Variants in KCNG2 observed in about 807,000 individuals in gnomAD.
KCNG2 encodes potassium voltage-gated channel modifier subfamily G member 2.
In KCNG2, 7 loss-of-function variants were observed where a neutral mutation model predicts 12.3. That is an observed-to-expected ratio of 0.57 (90% CI 0.32 to 1.07). KCNG2 has a LOEUF of 1.07. KCNG2 is among the 50% of genes least tolerant of loss of function. The pLI is 0.04. For missense variants in KCNG2, 703 were observed against 726.0 expected, an observed-to-expected ratio of 0.97 and a Z score of 0.36; for synonymous variants, 414 against 351.4, an observed-to-expected ratio of 1.18 and a Z score of -1.99.
rs1030185558 is a variant in KCNG2 at position 79,856,436 on chromosome 18, T to TA, written c.-56dup. ...CGGTTCCCTGAAAGAGAATACCCTG[T>TA]ACCTTCACAGAGCCAGGTAAACCCA... On this transcript the variant is annotated 5_prime_UTR_variant, in exon 2 of 4. Transcript: ENST00000316249. 6.6e-6 allele frequency among the ~76,000 whole-genome samples: 1 copy of TA among 152,228 alleles called. No individual in the cohort carries two copies. The highest frequency in any genetic ancestry group is 2.4e-5 in the African/African-American group (1 of 41,456).
chr18:79,838,844 C>G lies in KCNG2; in HGVS notation c.-114-17535C>G, dbSNP rs561136756. ...TTACATTAGAAAAAAGGAAAAACCTCAATGTACAATCTCAGGTCCCACCTG... is the reference window on the plus strand; with the variant it reads ...TTACATTAGAAAAAAGGAAAAACCTGAATGTACAATCTCAGGTCCCACCTG... On this transcript the variant is annotated intron_variant, in intron 1 of 3. Transcript: ENST00000316249. 2.6e-4 allele frequency among the ~76,000 whole-genome samples: 40 copies of G among 152,292 alleles called. No individual in the cohort carries two copies. In the South Asian group the frequency reaches 7.9e-3, roughly 30 times the overall value.
In KCNG2 at chr18:79,887,596, C is replaced by T. The variant is rs752856397; in HGVS notation, c.625-11444C>T. 8.5e-5 allele frequency among the ~76,000 whole-genome samples: 13 copies of T among 152,338 alleles called. 1 individual carries two copies. In the South Asian group the frequency reaches 1.0e-3, roughly 12 times the overall value. ...GCTGGGCGCATCAGGGTTTCAAACCCGCATCCAGCTTCCCAGGGGCTCACA... is the reference window on the plus strand; with the variant it reads ...GCTGGGCGCATCAGGGTTTCAAACCTGCATCCAGCTTCCCAGGGGCTCACA... On this transcript the variant is annotated intron_variant, in intron 3 of 3. Coordinates refer to ENST00000316249, the MANE Select transcript of KCNG2 (RefSeq NM_012283.2).
intron 1 of KCNG2, among the ~76,000 whole-genome samples, chr18:79,835,561 G>A (rs1039083964): frequency 5.3e-5 from 8 of 152,212 alleles, no homozygotes; most frequent in African/African-American, 1.9e-4. Context: ...AGGTTCAGTG[G>A]TAGACGGAGT....
Position 79,850,854 on chromosome 18 carries a change from T to C in KCNG2, c.-114-5525T>C, listed in dbSNP as rs541547835. On this transcript the variant is annotated intron_variant, in intron 1 of 3. Transcript: ENST00000316249. ...CAGTAAGAACTCAAACGCACGTTGC[T>C]TTTGTACCCACGAGGGCAGGCGCCG... is the stretch of plus-strand genomic sequence containing the variant. Among the ~76,000 whole-genome samples, 10 of 152,326 alleles carry C rather than the reference T, an allele frequency of 6.6e-5. No individual in the cohort carries two copies. In the South Asian group the frequency reaches 1.7e-3, roughly 25 times the overall value.
intron 3 of KCNG2, among the ~76,000 whole-genome samples, chr18:79,872,293 T>TGTTTTTG (rs1392878896): frequency 7.5e-6 from 1 of 134,106 alleles, no homozygotes; most frequent in Non-Finnish European, 1.6e-5. Flanking sequence ...TTTTTTTTTT[T>TGTTTTTG]TTTTTTTTTT....
chr18:79,857,333 C>T (rs918965179), intron 2 of KCNG2, among the ~76,000 whole-genome samples: 1 of 151,124 alleles, frequency 6.6e-6, no homozygotes, highest in African/African-American at 2.4e-5. Flanking sequence ...TCTCTCCTGG[C>T]CTCCATTGCA....
chr18:79,847,567 G>A (rs376768345), intron 1 of KCNG2, among the ~76,000 whole-genome samples: 8 of 152,172 alleles, frequency 5.3e-5, no homozygotes, highest in African/African-American at 9.7e-5. Context: ...CAAAGCACCC[G>A]CCCCATGAGC....
At chr18:79,879,173 A>T (rs1980196775) in intron 3 of KCNG2, among the ~76,000 whole-genome samples, 1 of 152,172 alleles carries the variant, frequency 6.6e-6, no homozygotes, top group Admixed American at 6.5e-5. Context: ...CCCCCACAGG[A>T]GCCAAAGGAC....
At chr18:79,819,071 A>C (rs1475876067) in intron 1 of KCNG2, among the ~76,000 whole-genome samples, 1 of 152,210 alleles carries the variant, frequency 6.6e-6, no homozygotes, top group East Asian at 1.9e-4. Context: ...AAAAAACAAA[A>C]ATAAGGGAAG....
rs764009330 is a variant in KCNG2, at chr18:79,899,261, C to G, written c.846C>G (p.Arg282=). The change falls in exon 4 of 4, where the codon CGC becomes CGG. Residue 282 remains arginine, a synonymous_variant. Coordinates refer to ENST00000316249, the MANE Select transcript of KCNG2 (RefSeq NM_012283.2). ...AGPGGTKLLE[R]AGLVLRLLRA... Reference sequence around the variant, plus strand: ...CGGGCGGGACCAAGCTCCTGGAGCGCGCGGGGCTGGTGCTGCGGCTGCTGC... The same window carrying G: ...CGGGCGGGACCAAGCTCCTGGAGCGGGCGGGGCTGGTGCTGCGGCTGCTGC... The G allele has an allele frequency of 1.3e-6, 2 of 1,587,878 alleles. No individual in the cohort carries two copies.
chr18:79,818,536 T>C (rs2087547106), intron 1 of KCNG2, among the ~76,000 whole-genome samples: 1 of 152,158 alleles, frequency 6.6e-6, no homozygotes, highest in Non-Finnish European at 1.5e-5. Context: ...GATGAAGCTA[T>C]TTTTAGAAGT....
chr18:79,899,847 C>G lies in KCNG2; in HGVS notation c.*31C>G, dbSNP rs1352041391. On this transcript the variant is annotated 3_prime_UTR_variant, in exon 4 of 4. Transcript: ENST00000316249. ...GCGCCGCCCACACGGAGACCCCCTG[C>G]CCCCTCCAGCTGCAGCGTCGGGACC... 3.0e-6 allele frequency: 4 copies of G among 1,313,676 alleles called. No homozygotes were observed. The highest frequency in any genetic ancestry group is 3.9e-6 in the Non-Finnish European group (4 of 1,035,168). The allele number at this position is 1,313,676 out of a possible 1,614,324, so 81.4% of individuals were successfully genotyped here. A position where few individuals can be genotyped will look rare whatever the true frequency, so the allele number is the denominator to read the frequency against.
In KCNG2 at chr18:79,800,970, A is replaced by G. The variant is rs1402022021; in HGVS notation, c.-115+2956A>G. Among the ~76,000 whole-genome samples, 2 of 152,242 alleles carry G rather than the reference A, an allele frequency of 1.3e-5. No homozygotes were observed. The highest frequency in any genetic ancestry group is 2.4e-5 in the African/African-American group (1 of 41,474). On this transcript the variant is annotated intron_variant, in intron 1 of 3. Transcript: ENST00000316249. This position sits in a 1 kb window ranked among gnomAD's most constrained non-coding sequence, Gnocchi z 4.0. Reference sequence around the variant, plus strand: ...GGGAGACCATGCCAGGCAGCTGCCAACAGTCTGGCCACGAGGAGCTCCGTG... The same window carrying G: ...GGGAGACCATGCCAGGCAGCTGCCAGCAGTCTGGCCACGAGGAGCTCCGTG...
Position 79,848,407 on chromosome 18 carries a change from C to T in KCNG2, c.-114-7972C>T, listed in dbSNP as rs558669429. On this transcript the variant is annotated intron_variant, in intron 1 of 3. Transcript: ENST00000316249. ...ACCGCTGGGGAGGGGCCTGCGTTGC[C>T]GCTCGGGCTCCTGCAGCACCGGCCA... Among the ~76,000 whole-genome samples, 91 of 152,288 alleles carry T rather than the reference C, an allele frequency of 6.0e-4. 1 individual carries two copies. The highest frequency in any genetic ancestry group is 2.0e-3 in the African/African-American group (85 of 41,562).
In KCNG2 at chr18:79,899,645, C is replaced by A; in HGVS notation, c.1230C>A (p.Arg410=). The A allele has an allele frequency of 6.2e-7, 1 of 1,606,614 alleles. No homozygotes were observed. The highest frequency in any genetic ancestry group is 8.5e-7 in the Non-Finnish European group (1 of 1,177,106). The change falls in exon 4 of 4, where the codon CGC becomes CGA. Residue 410 remains arginine (R), a synonymous_variant. Coordinates refer to ENST00000316249, the MANE Select transcript of KCNG2 (RefSeq NM_012283.2). ...CCTCCATCTTCCACACCTTTTCGCG[C>A]TCCTACTCCGAGCTCAAGGAGCAGC... ...PVTSIFHTFS[R]SYSELKEQQQ...
chr18:79,802,467 T>C (rs546245180), intron 1 of KCNG2, among the ~76,000 whole-genome samples: 1 of 152,312 alleles, frequency 6.6e-6, no homozygotes, highest in African/African-American at 2.4e-5. Context: ...GAGCCTGGCC[T>C]CGACATCTGT....
At chr18:79,818,325 G>C (rs983506940) in intron 1 of KCNG2, among the ~76,000 whole-genome samples, 14 of 152,340 alleles carry the variant, frequency 9.2e-5, no homozygotes, top group African/African-American at 3.4e-4. Context: ...GCCCAAGAGG[G>C]GCGTGGAGGC....
intron 1 of KCNG2, among the ~76,000 whole-genome samples, chr18:79,806,325 G>A (rs1470057125): frequency 2.0e-5 from 3 of 151,904 alleles, no homozygotes; most frequent in South Asian, 2.1e-4. Flanking sequence ...TGGGGCCATC[G>A]GGAAGCCCCC....
At chr18:79,849,453 G>C (rs1978739714) in intron 1 of KCNG2, among the ~76,000 whole-genome samples, 1 of 152,204 alleles carries the variant, frequency 6.6e-6, no homozygotes, top group Non-Finnish European at 1.5e-5. Flanking sequence ...GGGCAGGTGC[G>C]TCCGACCTCA....
Sources: gnomAD v4.1 joint callset for allele counts (sites outside exome capture counted in the v4.1 genomes callset) on GRCh38, gnomAD v4.1.1 for gene constraint, Gnocchi (gnomAD v3.1) non-coding constraint, MANE v1.5 for transcripts, NCBI Gene and HGNC (gene_info 2026-07-23, HGNC 2026-07-21) for gene names.